The following SLC47A1 variants were observed in gnomAD, a reference collection of about 807,000 sequenced individuals.
SLC47A1 encodes the protein multidrug and toxin extrusion protein 1.
A neutral mutation model predicts 65.8 loss-of-function variants in SLC47A1; 58 were observed. The observed-to-expected ratio is 0.88, with a 90% CI of 0.71 to 1.10. The LOEUF is 1.10. SLC47A1 is among the 50% of genes least tolerant of loss of function. SLC47A1 has a pLI of 0.00. For synonymous variants in SLC47A1, 285 were observed against 295.0 expected, an observed-to-expected ratio of 0.97 and a Z score of 0.35; for missense variants, 706 against 719.2, an observed-to-expected ratio of 0.98 and a Z score of 0.21.
rs751548474 is a variant in SLC47A1 at position 19,567,219 on chromosome 17, G to A, written c.1300G>A (p.Gly434Arg). The A allele has an allele frequency of 6.2e-7, 1 of 1,614,180 alleles. No individual in the cohort carries two copies. Among genetic ancestry groups the A allele is most frequent in the Non-Finnish European group, 8.5e-7 (1 of 1,180,040 alleles). The part of the protein sequence containing the change: ...GIALMFATTL[G>R]VMGLWSGIII... ...CGCGCTGATGTTTGCAACCACACTT[G>A]GAGTGATGGGTAAGCTCTAACCTCT... Residue 434 changes from glycine to arginine, a missense_variant, in exon 14 of 17, where the codon GGA becomes AGA. Transcript: ENST00000270570.
chr17:19,575,805 TG>T (rs2084435256), intron 16 of SLC47A1, among the ~76,000 whole-genome samples: 1 of 152,154 alleles, frequency 6.6e-6, no homozygotes, highest in South Asian at 2.1e-4. Flanking sequence ...TGCCCTCCGA[TG>T]GTTCACTGAA....
intron 12 of SLC47A1, among the ~76,000 whole-genome samples, chr17:19,561,150 CA>C (rs2084307073): frequency 6.7e-6 from 1 of 149,552 alleles, no homozygotes; most frequent in South Asian, 2.1e-4. Context: ...CCCAGCTACT[CA>C]GGAGGCTGAG....
In SLC47A1 at chr17:19,577,952, T is replaced by G. The variant is rs2152318484; in HGVS notation, c.*399T>G. 1 of 1,279,650 alleles carries G rather than the reference T, an allele frequency of 7.8e-7. No homozygotes were observed. The highest frequency in any genetic ancestry group is 2.4e-5 in the Admixed American group (1 of 41,374). 79.3% of individuals were successfully genotyped at this position (1,279,650 alleles called of 1,614,324 possible). A position where few individuals can be genotyped will look rare whatever the true frequency, so the allele number is the denominator to read the frequency against. ...TATCTTTCCTTGGGCCTTAGATTAC[T>G]ATTCACTGGGCAAATGGTATTTGTT... On this transcript the variant is annotated 3_prime_UTR_variant, in exon 17 of 17. Transcript: ENST00000270570.
At chr17:19,568,968 T>C (rs1389319653) in intron 14 of SLC47A1, among the ~76,000 whole-genome samples, 1 of 151,864 alleles carries the variant, frequency 6.6e-6, no homozygotes, top group Non-Finnish European at 1.5e-5. Context: ...CAAGTGATCC[T>C]CCCACCTTGG....
At chr17:19,538,173 C>T (rs1435998913) in intron 1 of SLC47A1, among the ~76,000 whole-genome samples, 6 of 152,262 alleles carry the variant, frequency 3.9e-5, no homozygotes, top group East Asian at 1.9e-4. Flanking sequence ...ATGCTATCCC[C>T]GTGCTGGCCA....
chr17:19,561,289 TAG>T (rs2084308349), intron 12 of SLC47A1, among the ~76,000 whole-genome samples: 1 of 151,574 alleles, frequency 6.6e-6, no homozygotes, highest in African/African-American at 2.4e-5. Flanking sequence ...TTAAATTGGA[TAG>T]ATGCTATCAT....
intron 6 of SLC47A1, among the ~76,000 whole-genome samples, chr17:19,553,309 G>A (rs529199534): frequency 5.0e-4 from 76 of 152,262 alleles, no homozygotes; most frequent in African/African-American, 1.8e-3. Context: ...CGTGTTGCAG[G>A]CTTGGCCACC....
At chr17:19,556,110 T>G in intron 10 of SLC47A1, 48 bp downstream of exon 10, 1 of 1,600,574 alleles carries the variant, frequency 6.2e-7, no homozygotes, top group Non-Finnish European at 8.5e-7. Context: ...TTTTCCTTGC[T>G]TGGTATCTGA....
At chr17:19,567,026 T>C in intron 13 of SLC47A1, 70 bp from the exon 14 acceptor site, 13 of 1,610,140 alleles carry the variant, frequency 8.1e-6, no homozygotes, top group Non-Finnish European at 1.1e-5. Flanking sequence ...GAATATGAAG[T>C]GCTCGGGAGA....
Position 19,566,938 on chromosome 17 carries a change from G to A in SLC47A1, c.1176+79G>A. On this transcript the variant is annotated intron_variant, in intron 13 of 16. Coordinates refer to ENST00000270570, the MANE Select transcript of SLC47A1 (RefSeq NM_018242.3). ...AAATTTCAGCTGAGAGGAGGGGCCA[G>A]CATAGGTAGGAAGATTGAATATTGT... 4 of 1,588,202 alleles carry A rather than the reference G, an allele frequency of 2.5e-6. No individual in the cohort carries two copies. The South Asian group carries it at 4.4e-5, about 18-fold the overall frequency.
At chr17:19,554,135 GGAA>G (rs1916535666) in intron 6 of SLC47A1, among the ~76,000 whole-genome samples, 1 of 152,164 alleles carries the variant, frequency 6.6e-6, no homozygotes, top group South Asian at 2.1e-4. Context: ...CCTCAGCAAA[GGAA>G]GAAGAGTTAT....
intron 13 of SLC47A1, 66 bp from the exon 14 acceptor site, chr17:19,567,030 C>T (rs914318044): frequency 1.5e-5 from 24 of 1,610,564 alleles, no homozygotes; most frequent in South Asian, 3.3e-5. Context: ...ATGAAGTGCT[C>T]GGGAGATGGG....
chr17:19,544,787 CT>C lies in SLC47A1; in HGVS notation c.238-1643del, dbSNP rs1916243995. Among the ~76,000 whole-genome samples, 5 of 152,334 alleles carry C rather than the reference CT, an allele frequency of 3.3e-5. No homozygotes were observed. The South Asian group carries it at 1.0e-3, about 32-fold the overall frequency. ...TACCCGAAATTGGAGAGCAAAGTGA[CT>C]TTTTAAAAGAGAAAGCCTGGGTAAT... On this transcript the variant is annotated intron_variant, in intron 2 of 16. Coordinates refer to ENST00000270570, the MANE Select transcript of SLC47A1 (RefSeq NM_018242.3).
At chr17:19,558,105 C>T (rs570630665) in intron 10 of SLC47A1, among the ~76,000 whole-genome samples, 1 of 152,294 alleles carries the variant, frequency 6.6e-6, no homozygotes, top group South Asian at 2.1e-4. Context: ...TGTTCAAATA[C>T]TATATCAATA....
intron 2 of SLC47A1, among the ~76,000 whole-genome samples, chr17:19,544,442 G>A (rs1916233866): frequency 6.6e-6 from 1 of 152,238 alleles, no homozygotes; most frequent in Non-Finnish European, 1.5e-5. Context: ...GCTGGGTGCA[G>A]TTTGGGCTGT....
chr17:19,576,842 C>T (rs2084444173), intron 16 of SLC47A1, among the ~76,000 whole-genome samples: 2 of 151,880 alleles, frequency 1.3e-5, no homozygotes, highest in South Asian at 2.1e-4. Context: ...TGGGTTCAAG[C>T]GATTCTCCTG....
At chr17:19,550,338 T>C (rs1305708515) in intron 5 of SLC47A1, among the ~76,000 whole-genome samples, 1 of 151,512 alleles carries the variant, frequency 6.6e-6, no homozygotes, top group African/African-American at 2.4e-5. Context: ...TTTTCTAAGA[T>C]AGGGTGTCAC....
At chr17:19,569,705 C>T (rs2084385386) in intron 14 of SLC47A1, among the ~76,000 whole-genome samples, 1 of 152,230 alleles carries the variant, frequency 6.6e-6, no homozygotes, top group African/African-American at 2.4e-5. Context: ...ATCTAATAAT[C>T]ATCCCACTTT....
chr17:19,552,781 G>A (rs1337625156), intron 6 of SLC47A1, among the ~76,000 whole-genome samples: 1 of 152,170 alleles, frequency 6.6e-6, no homozygotes, highest in Non-Finnish European at 1.5e-5. Flanking sequence ...CCTAGGGGCT[G>A]GGGCCCGCAG....
Sources: gnomAD v4.1 joint callset for allele counts (sites outside exome capture counted in the v4.1 genomes callset) on GRCh38, gnomAD v4.1.1 for gene constraint, MANE v1.5 for transcripts, NCBI Gene and HGNC (gene_info 2026-07-23, HGNC 2026-07-21) for gene names.